DOCK4: variants seen among roughly 807,000 people sequenced by gnomAD.
DOCK4 encodes the protein dedicator of cytokinesis 4.
Under a neutral mutation model 268.1 loss-of-function variants are expected in DOCK4, and 97 were observed. That is an observed-to-expected ratio of 0.36 (90% CI 0.31 to 0.43). The LOEUF (loss-of-function observed/expected upper bound fraction) is 0.43. Ranked by LOEUF, DOCK4 falls within the 20% of genes least tolerant of loss-of-function variation. DOCK4 has a pLI of 1.00. For missense variants in DOCK4, 2,145 were observed against 2,455.7 expected (o/e 0.87, Z 2.67); for synonymous variants, 954 against 887.2 (o/e 1.08, Z -1.34).
At chr7:111,751,681 G>C (rs1796664645) in intron 42 of DOCK4, among the ~76,000 whole-genome samples, 1 of 152,164 alleles carries the variant, frequency 6.6e-6, no homozygotes, top group Admixed American at 6.5e-5. Context: ...CTGACCTCAA[G>C]TGATCTGCCT....
rs1049178140 is a variant in DOCK4, at chr7:111,940,033, A to C, written c.977+77T>G. 1.2e-5 allele frequency: 17 copies of C among 1,463,124 alleles called. No homozygotes were observed. The African/African-American group carries it at 2.0e-4, about 17-fold the overall frequency. 90.6% of individuals were successfully genotyped at this position (1,463,124 alleles called of 1,614,324 possible). On this transcript the variant is annotated intron_variant, in intron 11 of 52. Coordinates refer to ENST00000428084, the MANE Select transcript of DOCK4 (RefSeq NM_001363540.2). ...ACCCATTGTTCTTCTCTACCCACCT[A>C]AAGTAGCATTCGCCCAAGTAGGACC...
rs753498224 is a variant in DOCK4 at position 111,863,408 on chromosome 7, C to T, written c.2437G>A (p.Gly813Ser). 1.2e-6 allele frequency: 2 copies of T among 1,613,862 alleles called. No individual in the cohort carries two copies. Among genetic ancestry groups the T allele is most frequent in the Admixed American group, 1.7e-5 (1 of 60,000 alleles). Residue 813 changes from glycine to serine, a missense_variant, in exon 23 of 53, where the codon GGC becomes AGC. Coordinates refer to ENST00000428084, the MANE Select transcript of DOCK4 (RefSeq NM_001363540.2). Reference sequence around the variant, plus strand: ...TAAAGCTGGCTTTCCACGGTTTTGCCAATGCACTGCAGTTTGATGGCCTGC... The same window carrying T: ...TAAAGCTGGCTTTCCACGGTTTTGCTAATGCACTGCAGTTTGATGGCCTGC... ...SLQAIKLQCI[G>S]KTVESQLYTN...
chr7:112,198,141 C>G (rs1022021833), intron 1 of DOCK4, among the ~76,000 whole-genome samples: 4 of 151,900 alleles, frequency 2.6e-5, no homozygotes, highest in Non-Finnish European at 4.4e-5. Flanking sequence ...AGATGGGGGA[C>G]TTGGGGAGGT....
intron 47 of DOCK4, among the ~76,000 whole-genome samples, chr7:111,740,699 C>T (rs373459350): frequency 8.0e-6 from 1 of 124,264 alleles, no homozygotes; most frequent in East Asian, 2.6e-4. Context: ...CACCACTGCA[C>T]TCCAGACTGG....
At chr7:112,077,424 C>T (rs1034958880) in intron 1 of DOCK4, among the ~76,000 whole-genome samples, 3 of 151,924 alleles carry the variant, frequency 2.0e-5, no homozygotes, top group Non-Finnish European at 2.9e-5. Context: ...TTTTATACTA[C>T]AAAAATATTT....
At chr7:111,986,272 C>T (rs1008199374) in intron 6 of DOCK4, among the ~76,000 whole-genome samples, 2 of 152,152 alleles carry the variant, frequency 1.3e-5, no homozygotes, top group South Asian at 2.1e-4. Context: ...AGATAAGATA[C>T]GTGAAGACAG....
At chr7:112,032,098 T>C (rs763766641) in intron 1 of DOCK4, among the ~76,000 whole-genome samples, 2 of 152,176 alleles carry the variant, frequency 1.3e-5, no homozygotes, top group African/African-American at 4.8e-5. Flanking sequence ...GTAAGACCCT[T>C]AAGTAGGTCA....
chr7:111,913,497 C>T (rs1341405370), intron 13 of DOCK4, among the ~76,000 whole-genome samples: 11 of 151,226 alleles, frequency 7.3e-5, no homozygotes, highest in Non-Finnish European at 1.5e-4. Context: ...GCAAGCTCCA[C>T]CTCCCGGGTT....
intron 44 of DOCK4, among the ~76,000 whole-genome samples, chr7:111,742,514 G>A (rs569537915): frequency 1.3e-5 from 2 of 150,776 alleles, no homozygotes; most frequent in African/African-American, 4.9e-5. Flanking sequence ...TAAGAGGGCC[G>A]GCAATTCTCC....
At chr7:112,047,881 G>A (rs920792464) in intron 1 of DOCK4, among the ~76,000 whole-genome samples, 3 of 152,004 alleles carry the variant, frequency 2.0e-5, no homozygotes, top group Non-Finnish European at 4.4e-5. Flanking sequence ...TGTAGAAATG[G>A]GGTCTCGCTA....
At chr7:111,935,136 C>T (rs1232130883) in intron 12 of DOCK4, among the ~76,000 whole-genome samples, 2 of 151,450 alleles carry the variant, frequency 1.3e-5, no homozygotes, top group African/African-American at 2.4e-5. Flanking sequence ...TTAGTAGAGA[C>T]GGGGTTTCAC....
chr7:111,765,357 C>G, intron 38 of DOCK4, 135 bp from the exon 39 acceptor site: 1 of 640,386 alleles, frequency 1.6e-6, no homozygotes, highest in East Asian at 3.1e-5. Context: ...GTTTGACTTT[C>G]TTTTTGATGC....
At chr7:112,016,602 G>T (rs1470170108) in intron 1 of DOCK4, among the ~76,000 whole-genome samples, 1 of 152,112 alleles carries the variant, frequency 6.6e-6, no homozygotes, top group Non-Finnish European at 1.5e-5. Context: ...TTCTAATCAT[G>T]ATGTTTGTCA....
intron 1 of DOCK4, among the ~76,000 whole-genome samples, chr7:112,124,027 A>C (rs537386184): frequency 4.0e-5 from 6 of 151,348 alleles, no homozygotes; most frequent in Admixed American, 1.3e-4. Context: ...GAAACTAAAA[A>C]CTTTTTTTTT....
intron 35 of DOCK4, 57 bp from the exon 36 acceptor site, chr7:111,778,426 C>A (rs927297992): frequency 2.8e-5 from 31 of 1,088,798 alleles, no homozygotes; most frequent in Admixed American, 9.8e-5. Context: ...CTACAATTAT[C>A]TGCCTTTTAC....
chr7:112,106,365 A>C (rs1811147902), intron 1 of DOCK4, among the ~76,000 whole-genome samples: 2 of 152,210 alleles, frequency 1.3e-5, no homozygotes, highest in South Asian at 4.1e-4. Context: ...TTGTTAGTAA[A>C]GCTGAGAATT....
At chr7:111,740,976 T>C in intron 47 of DOCK4, 118 bp downstream of exon 47, 2 of 1,241,736 alleles carry the variant, frequency 1.6e-6, no homozygotes, top group Non-Finnish European at 2.3e-6. Context: ...TAAAGGTTTG[T>C]CCTTAAGCCA....
chr7:111,942,719 T>G (rs1215725927), intron 10 of DOCK4, among the ~76,000 whole-genome samples: 1 of 152,138 alleles, frequency 6.6e-6, no homozygotes. Flanking sequence ...CCACTCTGGC[T>G]TATACTCCTG....
chr7:111,876,852 C>T (rs1806931916), intron 17 of DOCK4, among the ~76,000 whole-genome samples, 178 bp downstream of exon 17: 4 of 149,108 alleles, frequency 2.7e-5, no homozygotes, highest in Admixed American at 2.0e-4. Context: ...TCTTAAATGA[C>T]ATGCATTCAA....
Sources: allele counts gnomAD v4.1 joint callset (sites outside exome capture counted in the v4.1 genomes callset), GRCh38; gene constraint gnomAD v4.1.1; transcripts MANE v1.5; gene names NCBI Gene and HGNC (gene_info 2026-07-23, HGNC 2026-07-21).